GRIA1: variants seen among roughly 807,000 people sequenced by gnomAD.
GRIA1 encodes the protein glutamate ionotropic receptor AMPA type subunit 1.
A neutral mutation model predicts 99.2 loss-of-function variants in GRIA1; 31 were observed. That is an observed-to-expected ratio of 0.31 (90% CI 0.23 to 0.42). The LOEUF is 0.42. Among genes scored for constraint, GRIA1 ranks in the 10% least tolerant of loss-of-function variants. The pLI is 1.00. For missense variants in GRIA1, 782 were observed against 1,157.5 expected, an observed-to-expected ratio of 0.68 and a Z score of 4.71; for synonymous variants, 438 against 432.4, an observed-to-expected ratio of 1.01 and a Z score of -0.16.
intron 2 of GRIA1, among the ~76,000 whole-genome samples, chr5:153,607,861 A>G (rs1040928756): frequency 1.3e-5 from 2 of 151,928 alleles, no homozygotes; most frequent in South Asian, 2.1e-4. Flanking sequence ...TATAATTTTT[A>G]TTACCTTTTA....
At chr5:153,542,817 T>A (rs1170772173) in intron 2 of GRIA1, among the ~76,000 whole-genome samples, 3 of 152,212 alleles carry the variant, frequency 2.0e-5, no homozygotes, top group Non-Finnish European at 4.4e-5. Context: ...CCTTCCATAG[T>A]GCCTTTTTTT....
chr5:153,596,767 A>C (rs982261194), intron 2 of GRIA1, among the ~76,000 whole-genome samples: 2 of 152,252 alleles, frequency 1.3e-5, no homozygotes, highest in Non-Finnish European at 2.9e-5. Flanking sequence ...CTTAGAGATT[A>C]AAATGGGTTG....
chr5:153,571,744 A>C (rs1461660216), intron 2 of GRIA1, among the ~76,000 whole-genome samples: 3 of 151,996 alleles, frequency 2.0e-5, no homozygotes. Flanking sequence ...TAGAGAAAGC[A>C]TATTATTTTA....
intron 11 of GRIA1, among the ~76,000 whole-genome samples, chr5:153,714,256 C>G (rs1168022975): frequency 3.3e-5 from 5 of 152,100 alleles, no homozygotes; most frequent in Non-Finnish European, 7.3e-5. Context: ...TGTACGCCAC[C>G]AGTTTGAGAG....
Position 153,705,882 on chromosome 5 carries a change from C to T in GRIA1, c.1638C>T (p.Ala546=). The T allele has an allele frequency of 6.2e-7, 1 of 1,613,814 alleles. No homozygotes were observed. The highest frequency in any genetic ancestry group is 8.5e-7 in the Non-Finnish European group (1 of 1,179,924). The change falls in exon 11 of 16, where the codon GCC becomes GCT. Residue 546 remains alanine, a synonymous_variant. Transcript: ENST00000285900. ...AYEIWMCIVF[A]YIGVSVVLFL... is the part of the protein sequence containing the mutation. ...AGATTTGGATGTGCATTGTTTTTGC[C>T]TACATTGGAGTGAGTGTTGTCCTCT...
intron 2 of GRIA1, among the ~76,000 whole-genome samples, chr5:153,589,416 T>G (rs1343060467): frequency 6.6e-6 from 1 of 152,070 alleles, no homozygotes; most frequent in Non-Finnish European, 1.5e-5. Context: ...TTTGCCAAAT[T>G]TCAACTTTAA....
chr5:153,491,438 A>C, intron 1 of GRIA1: 1 of 413,892 alleles, frequency 2.4e-6, no homozygotes, highest in Non-Finnish European at 3.3e-6. Flanking sequence ...GGGGACAGAA[A>C]AGAGACCCTC....
chr5:153,514,020 T>C (rs1050256937), intron 2 of GRIA1, among the ~76,000 whole-genome samples: 1 of 152,164 alleles, frequency 6.6e-6, no homozygotes, highest in Non-Finnish European at 1.5e-5. Context: ...GCAACACACC[T>C]CTAAGCCTTG....
intron 2 of GRIA1, among the ~76,000 whole-genome samples, chr5:153,567,933 A>G (rs1286257668): frequency 6.6e-6 from 1 of 152,210 alleles, no homozygotes; most frequent in Non-Finnish European, 1.5e-5. Flanking sequence ...GTATAATTGG[A>G]AGCCAGTAAG....
intron 11 of GRIA1, chr5:153,706,279 G>A (rs1425328978): frequency 1.7e-6 from 1 of 579,284 alleles, no homozygotes; most frequent in Non-Finnish European, 3.1e-6. Flanking sequence ...TGCTCTCTGG[G>A]TTGATGTGCT....
intron 3 of GRIA1, among the ~76,000 whole-genome samples, chr5:153,648,698 G>A (rs1171018743): frequency 6.6e-6 from 1 of 152,178 alleles, no homozygotes; most frequent in Non-Finnish European, 1.5e-5. Flanking sequence ...GAACCAATCT[G>A]CAGATGATTC....
At chr5:153,751,094 CTG>C (rs1762482996) in intron 11 of GRIA1, among the ~76,000 whole-genome samples, 1 of 152,082 alleles carries the variant, frequency 6.6e-6, no homozygotes, top group African/African-American at 2.4e-5. Flanking sequence ...GAGCGAGACT[CTG>C]TCAAAAAAAA....
chr5:153,678,266 G>A (rs948568853), intron 7 of GRIA1, among the ~76,000 whole-genome samples: 9 of 152,132 alleles, frequency 5.9e-5, no homozygotes, highest in East Asian at 3.8e-4. Context: ...CCAACCACAC[G>A]TGCACAGCTC....
chr5:153,780,448 A>G (rs1764560392), intron 13 of GRIA1, among the ~76,000 whole-genome samples: 1 of 152,236 alleles, frequency 6.6e-6, no homozygotes, highest in South Asian at 2.1e-4. Flanking sequence ...TTCTTGGACA[A>G]GTGACTTCAT....
chr5:153,625,273 G>C (rs546214032), intron 2 of GRIA1, among the ~76,000 whole-genome samples: 43 of 152,240 alleles, frequency 2.8e-4, no homozygotes, highest in African/African-American at 1.0e-3. Context: ...TCCTACTTCT[G>C]CCATTAACTG....
chr5:153,616,866 T>C (rs1452905498), intron 2 of GRIA1, among the ~76,000 whole-genome samples: 1 of 152,206 alleles, frequency 6.6e-6, no homozygotes, highest in African/African-American at 2.4e-5. Context: ...AGTTATTCTC[T>C]CTTCACTTCA....
intron 7 of GRIA1, among the ~76,000 whole-genome samples, chr5:153,680,171 A>G (rs1439241679): frequency 6.6e-6 from 1 of 152,102 alleles, no homozygotes; most frequent in Non-Finnish European, 1.5e-5. Flanking sequence ...GGGAAGACAC[A>G]AGAGCTATGG....
intron 7 of GRIA1, among the ~76,000 whole-genome samples, chr5:153,678,582 T>C (rs11741511): frequency 0.23 from 34,764 of 152,022 alleles, 4,250 homozygotes; most frequent in Non-Finnish European, 0.26. Context: ...TACCCCCACC[T>C]CAGCTTATTT....
intron 11 of GRIA1, among the ~76,000 whole-genome samples, chr5:153,745,935 C>T (rs181244181): frequency 1.6e-4 from 24 of 152,298 alleles, no homozygotes; most frequent in African/African-American, 5.8e-4. Flanking sequence ...GGTATCTACA[C>T]TTGTCCAGAT....
Sources: gnomAD v4.1 joint callset for allele counts (sites outside exome capture counted in the v4.1 genomes callset) on GRCh38, gnomAD v4.1.1 for gene constraint, MANE v1.5 for transcripts, NCBI Gene and HGNC (gene_info 2026-07-23, HGNC 2026-07-21) for gene names.